Variants in THRB observed in about 807,000 individuals in gnomAD.
THRB encodes nuclear receptor subfamily 1 group A member 2.
A neutral mutation model predicts 47.8 loss-of-function variants in THRB; 12 were observed. The ratio of observed to expected loss-of-function variants is 0.25; its 90% confidence interval spans 0.16 to 0.41. The LOEUF (loss-of-function observed/expected upper bound fraction) is 0.41. Among genes scored for constraint, THRB ranks in the 10% least tolerant of loss-of-function variants. The pLI is 1.00. For missense variants in THRB, 348 were observed against 589.2 expected (o/e 0.59, Z 4.24); for synonymous variants, 218 against 212.2 (o/e 1.03, Z -0.24).
chr3:24,419,581 A>C (rs2069055496), intron 1 of THRB, among the ~76,000 whole-genome samples: 1 of 151,936 alleles, frequency 6.6e-6, no homozygotes, highest in Non-Finnish European at 1.5e-5. Flanking sequence ...TCTAAAGTTA[A>C]AAATAGAATT....
chr3:24,190,111 A>C lies in THRB; in HGVS notation c.246T>G (p.Ser82Arg). The change falls in exon 5 of 11, where the codon AGT (serine) becomes AGG (arginine). Residue 82 changes from serine (S) to arginine (R), a missense_variant. Coordinates refer to ENST00000646209, the MANE Select transcript of THRB (RefSeq NM_001354712.2). ...TCTCCTCCGTTTGGAAGGTCTGGGC[A>C]CTTGAGACACTCTGGTCGTTCACAT... ...HDDVNDQSVS[S>R]AQTFQTEEKK... 1 of 1,614,102 alleles carries C rather than the reference A, an allele frequency of 6.2e-7. No homozygotes were observed. The highest frequency in any genetic ancestry group is 8.5e-7 in the Non-Finnish European group (1 of 1,179,948).
intron 3 of THRB, among the ~76,000 whole-genome samples, chr3:24,257,266 G>A (rs1017632949): frequency 6.6e-6 from 1 of 151,226 alleles, no homozygotes; most frequent in African/African-American, 2.4e-5. Context: ...ATATTTTTTG[G>A]TATATCAAAA....
At chr3:24,420,337 C>T (rs188097195) in intron 1 of THRB, among the ~76,000 whole-genome samples, 9 of 151,944 alleles carry the variant, frequency 5.9e-5, no homozygotes, top group Non-Finnish European at 1.2e-4. Flanking sequence ...CACATGTCCA[C>T]GTAGTCCAGC....
chr3:24,454,504 G>T (rs960723869), intron 1 of THRB, among the ~76,000 whole-genome samples: 1 of 152,138 alleles, frequency 6.6e-6, no homozygotes, highest in Non-Finnish European at 1.5e-5. Flanking sequence ...TGGGTAAATT[G>T]CATAGCATGT....
At chr3:24,376,652 A>AG (rs397932598) in intron 1 of THRB, among the ~76,000 whole-genome samples, 4 of 151,670 alleles carry the variant, frequency 2.6e-5, no homozygotes, top group African/African-American at 9.7e-5. Flanking sequence ...CTCCAAAAAA[A>AG]GGCAATGCCT....
At chr3:24,272,914 G>C (rs975167473) in intron 3 of THRB, among the ~76,000 whole-genome samples, 1 of 152,056 alleles carries the variant, frequency 6.6e-6, no homozygotes, top group Non-Finnish European at 1.5e-5. Context: ...ATCCAAAATA[G>C]CAAAGAAAAT....
At chr3:24,276,060 A>C (rs2053885099) in intron 3 of THRB, among the ~76,000 whole-genome samples, 1 of 151,380 alleles carries the variant, frequency 6.6e-6, no homozygotes, top group Non-Finnish European at 1.5e-5. Context: ...TTTTTTAATA[A>C]CCTCCTTTCC....
intron 7 of THRB, among the ~76,000 whole-genome samples, chr3:24,145,157 G>T (rs1281068131): frequency 6.6e-6 from 1 of 151,632 alleles, no homozygotes; most frequent in East Asian, 1.9e-4. Context: ...CTTCCGGTGT[G>T]CCAGGGACTG....
chr3:24,170,601 C>T (rs2040301413), intron 5 of THRB, among the ~76,000 whole-genome samples: 1 of 152,182 alleles, frequency 6.6e-6, no homozygotes. Flanking sequence ...ATTCCTTGAG[C>T]ACTCCAAGTT....
At chr3:24,155,046 AGCCTGTCTCAT>A in intron 5 of THRB, among the ~76,000 whole-genome samples, 1 of 152,228 alleles carries the variant, frequency 6.6e-6, no homozygotes, top group Non-Finnish European at 1.5e-5. Flanking sequence ...ATACTACCCC[AGCCTGTCTCAT>A]GAGACCTGCT....
At chr3:24,140,481 T>C (rs1245264128) in intron 8 of THRB, among the ~76,000 whole-genome samples, 2 of 152,160 alleles carry the variant, frequency 1.3e-5, no homozygotes, top group African/African-American at 4.8e-5. Context: ...CTTGGGAATC[T>C]CTCTTTCTGT....
At chr3:24,166,310 G>C (rs541065080) in intron 5 of THRB, among the ~76,000 whole-genome samples, 1 of 152,170 alleles carries the variant, frequency 6.6e-6, no homozygotes. Flanking sequence ...TTATATAGCA[G>C]CTTTCCTTTT....
intron 8 of THRB, among the ~76,000 whole-genome samples, chr3:24,139,389 C>T (rs5847275): frequency 0.19 from 26,845 of 143,870 alleles, 2,713 homozygotes; most frequent in South Asian, 0.26. Flanking sequence ...TCTTTTCTTT[C>T]TTTTTTTTTT....
At chr3:24,236,553 A>G (rs2048896097) in intron 3 of THRB, among the ~76,000 whole-genome samples, 1 of 152,140 alleles carries the variant, frequency 6.6e-6, no homozygotes, top group Admixed American at 6.6e-5. Flanking sequence ...TCTAACTTTA[A>G]GCTTACCTGA....
At position 24,326,756 on chromosome 3, in the gene THRB, C is replaced by CTT. The variant is rs1174687260; in HGVS notation, c.-189+10542_-189+10543dup. Among the ~76,000 whole-genome samples the CTT allele has an allele frequency of 1.7e-3, 83 of 50,002 alleles. 15 individuals carry two copies. The highest frequency in any genetic ancestry group is 5.9e-3 in the African/African-American group (57 of 9,648). The allele number at this position is 50,002 out of a possible 152,430, so 32.8% of individuals were successfully genotyped here. A position where few individuals can be genotyped will look rare whatever the true frequency, so the allele number is the denominator to read the frequency against. ...TTCACTAGAAGCTGTCCAGTCTTGTCTTTTTTTTTTTTTTTTTTTTTTTTT... is the reference window on the plus strand; with the variant it reads ...TTCACTAGAAGCTGTCCAGTCTTGTCTTTTTTTTTTTTTTTTTTTTTTTTTTT... On this transcript the variant is annotated intron_variant, in intron 2 of 10. Coordinates refer to ENST00000646209, the MANE Select transcript of THRB (RefSeq NM_001354712.2).
intron 5 of THRB, among the ~76,000 whole-genome samples, chr3:24,178,121 G>C (rs879795180): frequency 1.3e-5 from 2 of 152,116 alleles, no homozygotes; most frequent in African/African-American, 2.4e-5. Context: ...CTGCTTATTA[G>C]AGGACTTTAG....
intron 4 of THRB, among the ~76,000 whole-genome samples, chr3:24,197,985 A>C (rs1259054217): frequency 6.6e-6 from 1 of 152,128 alleles, no homozygotes; most frequent in Non-Finnish European, 1.5e-5. Context: ...TGAAACACTG[A>C]CTTAATCGGT....
chr3:24,412,421 A>T (rs2068379910), intron 1 of THRB, among the ~76,000 whole-genome samples: 1 of 151,832 alleles, frequency 6.6e-6, no homozygotes, highest in African/African-American at 2.4e-5. Flanking sequence ...AAAGAGATGG[A>T]TTACTCAATA....
intron 1 of THRB, among the ~76,000 whole-genome samples, chr3:24,490,385 C>A (rs971220026): frequency 6.6e-6 from 1 of 152,166 alleles, no homozygotes; most frequent in Non-Finnish European, 1.5e-5. Flanking sequence ...CTGGACAAAT[C>A]CAAGTCCAAA....
Sources: allele counts gnomAD v4.1 joint callset (sites outside exome capture counted in the v4.1 genomes callset), GRCh38; gene constraint gnomAD v4.1.1; transcripts MANE v1.5; gene names NCBI Gene and HGNC (gene_info 2026-07-23, HGNC 2026-07-21).